The following LUZP2 variants were observed in gnomAD, a reference collection of about 807,000 sequenced individuals.
LUZP2 encodes leucine zipper protein 2.
Under a neutral mutation model 51.6 loss-of-function variants are expected in LUZP2, and 52 were observed. The observed-to-expected ratio is 1.01, with a 90% CI of 0.81 to 1.27. The LOEUF (loss-of-function observed/expected upper bound fraction) is 1.27. LUZP2 is among the 50% of genes most tolerant of loss of function. The pLI is 0.00. For missense variants in LUZP2, 436 were observed against 395.4 expected, an observed-to-expected ratio of 1.10 and a Z score of -0.87; for synonymous variants, 154 against 137.3, an observed-to-expected ratio of 1.12 and a Z score of -0.85.
rs757752687 is a variant in LUZP2 at position 24,983,160 on chromosome 11, A to G, written c.632A>G (p.Gln211Arg). The G allele has an allele frequency of 6.2e-7, 1 of 1,612,240 alleles. No homozygotes were observed. The highest frequency in any genetic ancestry group is 8.5e-7 in the Non-Finnish European group (1 of 1,178,838). The change falls in exon 9 of 12, where the codon CAG (glutamine) becomes CGG (arginine). Residue 211 changes from glutamine (Q) to arginine (R), a missense_variant. Gln to Arg is a conservative substitution (Grantham distance 43). Transcript: ENST00000336930. Reference protein sequence around the residue: ...SQMKAMKETVQLCLTSVFRDQ... With the variant: ...SQMKAMKETVRLCLTSVFRDQ... Reference sequence around the variant, plus strand: ...ATGAAAGCAATGAAAGAGACTGTGCAGCTCTGCTTGACATCTGTTTTCCGT... The same window carrying G: ...ATGAAAGCAATGAAAGAGACTGTGCGGCTCTGCTTGACATCTGTTTTCCGT...
chr11:24,925,981 A>G (rs115156303), intron 7 of LUZP2, among the ~76,000 whole-genome samples: 1,964 of 151,932 alleles, frequency 0.013, 47 homozygotes, highest in African/African-American at 0.045. Context: ...TTATGAGAGA[A>G]TATACGTTGT....
chr11:24,571,393 G>T (rs934101126), intron 1 of LUZP2, among the ~76,000 whole-genome samples: 1 of 152,008 alleles, frequency 6.6e-6, no homozygotes, highest in African/African-American at 2.4e-5. Flanking sequence ...CAATGTCCTA[G>T]GAAAAGGATG....
chr11:24,614,710 T>G (rs1370017963), intron 1 of LUZP2, among the ~76,000 whole-genome samples: 6 of 151,994 alleles, frequency 3.9e-5, no homozygotes, highest in Admixed American at 2.6e-4. Flanking sequence ...CATAGCTCAA[T>G]CTTCTGTGTT....
chr11:25,033,365 G>A (rs1857753746), intron 9 of LUZP2, among the ~76,000 whole-genome samples: 2 of 152,028 alleles, frequency 1.3e-5, no homozygotes, highest in South Asian at 4.2e-4. Context: ...GACCATTTAG[G>A]TTTTTTAAAT....
At chr11:24,505,070 T>C (rs1387227233) in intron 1 of LUZP2, among the ~76,000 whole-genome samples, 1 of 152,176 alleles carries the variant, frequency 6.6e-6, no homozygotes, top group African/African-American at 2.4e-5. Context: ...CTCGCTGTCT[T>C]CCAAACTAGT....
intron 1 of LUZP2, among the ~76,000 whole-genome samples, chr11:24,556,403 C>T (rs775579722): frequency 5.3e-4 from 81 of 152,096 alleles, no homozygotes; most frequent in Non-Finnish European, 1.1e-3. Context: ...GTGAGAGAAT[C>T]TAGATTTACA....
intron 1 of LUZP2, among the ~76,000 whole-genome samples, chr11:24,527,172 T>A (rs115767692): frequency 0.014 from 2,119 of 151,498 alleles, 46 homozygotes; most frequent in African/African-American, 0.049. Flanking sequence ...CTTTTAGCAA[T>A]ATATTTTGAA....
chr11:24,699,678 T>C (rs77085136), intron 1 of LUZP2, among the ~76,000 whole-genome samples: 2 of 136,714 alleles, frequency 1.5e-5, no homozygotes, highest in Admixed American at 7.7e-5. Flanking sequence ...CACACACACA[T>C]ATATACACAG....
intron 5 of LUZP2, among the ~76,000 whole-genome samples, chr11:24,898,626 AAG>A (rs1853164668): frequency 9.7e-6 from 1 of 102,570 alleles, no homozygotes; most frequent in Non-Finnish European, 2.0e-5. Flanking sequence ...CTGTGTCAGG[AAG>A]AAAAAAAAAA....
intron 9 of LUZP2, among the ~76,000 whole-genome samples, chr11:25,015,552 T>C (rs1857124012): frequency 6.6e-6 from 1 of 152,140 alleles, no homozygotes; most frequent in African/African-American, 2.4e-5. Context: ...CTGATACATT[T>C]GAGGGGTAGT....
chr11:24,878,273 T>C (rs1212701504), intron 5 of LUZP2, among the ~76,000 whole-genome samples: 1 of 152,116 alleles, frequency 6.6e-6, no homozygotes, highest in African/African-American at 2.4e-5. Flanking sequence ...TGGGAAAGTC[T>C]TTATTTCCCC....
chr11:24,998,959 T>C (rs1319399321), intron 9 of LUZP2, among the ~76,000 whole-genome samples: 1 of 152,164 alleles, frequency 6.6e-6, no homozygotes, highest in African/African-American at 2.4e-5. Flanking sequence ...AAATTTGCTG[T>C]CTGTTAGAAG....
At chr11:24,953,261 A>T (rs547483977) in intron 7 of LUZP2, among the ~76,000 whole-genome samples, 1 of 152,064 alleles carries the variant, frequency 6.6e-6, no homozygotes, top group South Asian at 2.1e-4. Flanking sequence ...TGGCAAAACT[A>T]AACAATTGGC....
intron 7 of LUZP2, among the ~76,000 whole-genome samples, chr11:24,961,189 G>A (rs1189104749): frequency 1.3e-5 from 2 of 152,116 alleles, no homozygotes; most frequent in African/African-American, 4.8e-5. Flanking sequence ...TGTTGGAATA[G>A]GTGTGGTGTG....
chr11:24,749,980 C>G (rs1859519947), intron 4 of LUZP2, among the ~76,000 whole-genome samples: 1 of 152,140 alleles, frequency 6.6e-6, no homozygotes, highest in South Asian at 2.1e-4. Context: ...TAATAAACTC[C>G]CTTTCATATA....
At chr11:24,970,133 G>C (rs570246688) in intron 7 of LUZP2, among the ~76,000 whole-genome samples, 1 of 152,104 alleles carries the variant, frequency 6.6e-6, no homozygotes, top group African/African-American at 2.4e-5. Flanking sequence ...CTTTGATAAT[G>C]AGAATTTTGG....
At chr11:24,788,170 T>C (rs1849300951) in intron 5 of LUZP2, among the ~76,000 whole-genome samples, 1 of 146,950 alleles carries the variant, frequency 6.8e-6, no homozygotes, top group African/African-American at 2.5e-5. Context: ...CCTATTTCTT[T>C]TTGTTTTTAA....
chr11:24,619,924 T>C (rs1165344146), intron 1 of LUZP2, among the ~76,000 whole-genome samples: 1 of 152,188 alleles, frequency 6.6e-6, no homozygotes, highest in African/African-American at 2.4e-5. Flanking sequence ...AGGCCAACTG[T>C]ACATTCAAAA....
intron 1 of LUZP2, among the ~76,000 whole-genome samples, chr11:24,539,499 A>C (rs1260354511): frequency 6.6e-6 from 1 of 151,976 alleles, no homozygotes; most frequent in Non-Finnish European, 1.5e-5. Flanking sequence ...CAGATAGTTT[A>C]AGCAGTATCA....
Sources: gnomAD v4.1 joint callset for allele counts (sites outside exome capture counted in the v4.1 genomes callset) on GRCh38, gnomAD v4.1.1 for gene constraint, MANE v1.5 for transcripts, NCBI Gene and HGNC (gene_info 2026-07-23, HGNC 2026-07-21) for gene names.